Variants in FBXO4 observed in about 807,000 individuals in gnomAD.
The protein encoded by FBXO4 is F-box only protein 4.
Under a neutral mutation model 43.7 loss-of-function variants are expected in FBXO4, and 36 were observed. The ratio of observed to expected loss-of-function variants is 0.82; its 90% confidence interval spans 0.63 to 1.09. FBXO4 has a LOEUF of 1.09. FBXO4 is among the 50% of genes least tolerant of loss of function. FBXO4 has a pLI of 0.00. For synonymous variants in FBXO4, 180 were observed against 165.6 expected (o/e 1.09, Z -0.67); for missense variants, 435 against 474.1 (o/e 0.92, Z 0.77).
At chr5:41,958,713 A>G in the FBXO4 span, among the ~76,000 whole-genome samples, 1 of 152,186 alleles carries the variant, frequency 6.6e-6, no homozygotes, top group South Asian at 2.1e-4. Context: ...CCATGTTATC[A>G]CAAATAACAA....
intron 1 of FBXO4, among the ~76,000 whole-genome samples, chr5:41,925,877 C>T (rs1255359259): frequency 1.3e-5 from 2 of 152,308 alleles, no homozygotes; most frequent in East Asian, 3.9e-4. Context: ...TCCAGCGTCC[C>T]TGTTCCCAGC....
chr5:41,990,403 A>C, the FBXO4 span, among the ~76,000 whole-genome samples: 1 of 152,224 alleles, frequency 6.6e-6, no homozygotes, highest in African/African-American at 2.4e-5. Context: ...TTGTGTATTC[A>C]TGTGGATGGG....
At chr5:42,036,163 A>G in the FBXO4 span, among the ~76,000 whole-genome samples, 8 of 152,168 alleles carry the variant, frequency 5.3e-5, no homozygotes, top group African/African-American at 1.7e-4. Flanking sequence ...GATAAAAACC[A>G]TAAATTTAAA....
the FBXO4 span, chr5:41,967,249 T>C: frequency 2.1e-6 from 1 of 487,762 alleles, no homozygotes; most frequent in Non-Finnish European, 4.1e-6. Context: ...GCCACTGTCA[T>C]AGGGCCAACA....
intron 3 of FBXO4, among the ~76,000 whole-genome samples, chr5:41,932,138 C>T (rs1257844672): frequency 6.6e-6 from 1 of 152,142 alleles, no homozygotes; most frequent in African/African-American, 2.4e-5. Context: ...AATGTCAATT[C>T]CATTTTCCAG....
the FBXO4 span, among the ~76,000 whole-genome samples, chr5:42,026,941 C>A: frequency 6.6e-6 from 1 of 151,766 alleles, no homozygotes; most frequent in Non-Finnish European, 1.5e-5. Context: ...TTTTTCAATT[C>A]AGCTTGCTAG....
the FBXO4 span, among the ~76,000 whole-genome samples, chr5:42,002,155 A>T: frequency 1.3e-5 from 2 of 152,160 alleles, no homozygotes; most frequent in African/African-American, 2.4e-5. Flanking sequence ...TGATCATGTC[A>T]TCTGTAAACA....
the FBXO4 span, among the ~76,000 whole-genome samples, chr5:42,012,319 T>C: frequency 1.3e-5 from 2 of 152,060 alleles, no homozygotes; most frequent in Non-Finnish European, 2.9e-5. Flanking sequence ...CCTATAGATG[T>C]GAGCATGTGT....
chr5:41,931,535 C>T (rs1751688292), intron 3 of FBXO4, among the ~76,000 whole-genome samples: 1 of 152,242 alleles, frequency 6.6e-6, no homozygotes, highest in African/African-American at 2.4e-5. Flanking sequence ...ATAAGCAAAT[C>T]TGCTAGAATG....
the FBXO4 span, among the ~76,000 whole-genome samples, chr5:42,006,347 C>A: frequency 6.6e-6 from 1 of 151,828 alleles, no homozygotes; most frequent in African/African-American, 2.4e-5. Flanking sequence ...TGCCAAGGAC[C>A]CCTAATTAAT....
the FBXO4 span, among the ~76,000 whole-genome samples, chr5:41,968,590 C>T: frequency 6.6e-6 from 1 of 152,030 alleles, no homozygotes; most frequent in African/African-American, 2.4e-5. Flanking sequence ...ACTTTTTTGC[C>T]TTTGTGTCCC....
At chr5:41,998,071 A>G in the FBXO4 span, among the ~76,000 whole-genome samples, 1 of 152,152 alleles carries the variant, frequency 6.6e-6, no homozygotes, top group Non-Finnish European at 1.5e-5. Context: ...GGAACACTGT[A>G]ATTAATTAGC....
chr5:42,036,761 A>G, the FBXO4 span, among the ~76,000 whole-genome samples: 24 of 152,152 alleles, frequency 1.6e-4, no homozygotes, highest in Non-Finnish European at 3.2e-4. Context: ...AGCAAAATAT[A>G]TGATACAAAC....
At chr5:42,032,009 T>G in the FBXO4 span, among the ~76,000 whole-genome samples, 3 of 151,704 alleles carry the variant, frequency 2.0e-5, no homozygotes, top group Non-Finnish European at 4.4e-5. Context: ...TTCCCTTACT[T>G]TCTCCCAAAC....
At chr5:42,018,119 CATT>C in the FBXO4 span, among the ~76,000 whole-genome samples, 4 of 149,340 alleles carry the variant, frequency 2.7e-5, no homozygotes, top group Non-Finnish European at 5.9e-5. Flanking sequence ...TGAATAATTT[CATT>C]ATTATTATAA....
At chr5:42,008,228 C>T in the FBXO4 span, among the ~76,000 whole-genome samples, 1 of 152,040 alleles carries the variant, frequency 6.6e-6, no homozygotes, top group African/African-American at 2.4e-5. Context: ...AAGGGTGTTC[C>T]ATTATCTTAC....
Position 41,933,934 on chromosome 5 carries a change from T to A in FBXO4, c.647-12T>A. The A allele has an allele frequency of 6.2e-7, 1 of 1,601,830 alleles. No homozygotes were observed. The highest frequency in any genetic ancestry group is 8.5e-7 in the Non-Finnish European group (1 of 1,174,106). ...AATGATTTGTTTTGGTAACTGTGAT[T>A]TTCTTTCTTAGGTATTGGATCAGGA... On this transcript the variant is annotated splice_polypyrimidine_tract_variant and intron_variant, in intron 3 of 6. Coordinates refer to ENST00000281623, the MANE Select transcript of FBXO4 (RefSeq NM_012176.3).
At chr5:41,967,493 C>G in the FBXO4 span, 1 of 690,032 alleles carries the variant, frequency 1.4e-6, no homozygotes. Flanking sequence ...GGGGGTATAT[C>G]AATGAGATAT....
Position 41,934,224 on chromosome 5 carries a change from C to A in FBXO4, c.814C>A (p.Arg272=), listed in dbSNP as rs1375456340. 6.2e-7 allele frequency: 1 copy of A among 1,614,032 alleles called. No individual in the cohort carries two copies. Among genetic ancestry groups the A allele is most frequent in the Non-Finnish European group, 8.5e-7 (1 of 1,180,002 alleles). ...HNEGDDQQGS[R]YSVIPQIQKV... ...TGAAGGTGATGATCAACAAGGAAGC[C>A]GGTACAGTGTGATTCCACAGATTCA... The change falls in exon 5 of 7, where the codon CGG becomes AGG. Residue 272 remains arginine, a synonymous_variant. Coordinates refer to ENST00000281623, the MANE Select transcript of FBXO4 (RefSeq NM_012176.3).
Sources: gnomAD v4.1 joint callset for allele counts (sites outside exome capture counted in the v4.1 genomes callset) on GRCh38, gnomAD v4.1.1 for gene constraint, MANE v1.5 for transcripts, NCBI Gene and HGNC (gene_info 2026-07-23, HGNC 2026-07-21) for gene names.